The following KAZN variants were observed in gnomAD, a reference collection of about 807,000 sequenced individuals.
KAZN encodes kazrin.
Under a neutral mutation model 87.4 loss-of-function variants are expected in KAZN, and 40 were observed. That is an observed-to-expected ratio of 0.46 (90% CI 0.36 to 0.60). The LOEUF (loss-of-function observed/expected upper bound fraction) is 0.60. Ranked by LOEUF, KAZN falls within the 20% of genes least tolerant of loss-of-function variation. KAZN has a pLI of 0.00. For missense variants in KAZN, 898 were observed against 1,073.9 expected (o/e 0.84, Z 2.29); for synonymous variants, 466 against 458.3 (o/e 1.02, Z -0.22).
chr1:14,871,216 TG>T (rs1406183716), intron 1 of KAZN, among the ~76,000 whole-genome samples: 3 of 152,306 alleles, frequency 2.0e-5, no homozygotes, highest in African/African-American at 7.2e-5. Context: ...CAGGCACAGT[TG>T]TCCTGCAGAC....
At position 14,440,860 on chromosome 1, in the gene KAZN, A is replaced by G. The variant is rs143388603; in HGVS notation, c.250-158123A>G. Among the ~76,000 whole-genome samples the G allele has an allele frequency of 5.9e-3, 906 of 152,328 alleles. 19 individuals carry two copies. Among genetic ancestry groups the G allele is most frequent in the African/African-American group, 0.021 (864 of 41,576 alleles). ...CAGGTGTCCAGGTCTATGACTTAGC[A>G]ATAGAAAAGGCATCACGTTCAACGC... On this transcript the variant is annotated intron_variant, in intron 2 of 16. Transcript: ENST00000636203.
chr1:15,027,434 C>A (rs533423796), intron 2 of KAZN, among the ~76,000 whole-genome samples: 1 of 152,210 alleles, frequency 6.6e-6, no homozygotes, highest in Non-Finnish European at 1.5e-5. Flanking sequence ...GAGACCTCAG[C>A]TGACTCTCTG....
intron 10 of KAZN, among the ~76,000 whole-genome samples, chr1:15,100,954 C>T (rs1485855941): frequency 1.3e-5 from 2 of 152,080 alleles, no homozygotes; most frequent in African/African-American, 4.8e-5. Flanking sequence ...TTGTGGGTCT[C>T]GGGGATGCTG....
At chr1:14,019,564 C>T (rs776479757) in intron 1 of KAZN, among the ~76,000 whole-genome samples, 14 of 152,188 alleles carry the variant, frequency 9.2e-5, no homozygotes, top group Non-Finnish European at 1.9e-4. Context: ...TACAACAGAA[C>T]CTCCACCTGC....
chr1:14,059,582 T>G (rs957635211), intron 1 of KAZN, among the ~76,000 whole-genome samples: 1 of 152,178 alleles, frequency 6.6e-6, no homozygotes, highest in Non-Finnish European at 1.5e-5. Context: ...GACTCAAAAG[T>G]CAATCTCCTC....
intron 2 of KAZN, among the ~76,000 whole-genome samples, chr1:14,354,863 A>G (rs1336705943): frequency 6.6e-6 from 1 of 152,222 alleles, no homozygotes; most frequent in African/African-American, 2.4e-5. Context: ...CCAAAGAGAA[A>G]TGAAAATGTA....
chr1:14,759,817 G>A (rs558223106), intron 1 of KAZN, among the ~76,000 whole-genome samples: 10 of 152,150 alleles, frequency 6.6e-5, no homozygotes, highest in Admixed American at 3.3e-4. Flanking sequence ...AGACAATACC[G>A]TCCAGATCCT....
At chr1:13,912,011 C>T (rs1393493914) in intron 1 of KAZN, among the ~76,000 whole-genome samples, 1 of 152,086 alleles carries the variant, frequency 6.6e-6, no homozygotes, top group Non-Finnish European at 1.5e-5. Context: ...CTCTCTGAAC[C>T]ACGGCTTTTT....
chr1:15,037,501 G>C (rs959866623), intron 3 of KAZN, among the ~76,000 whole-genome samples: 3 of 152,210 alleles, frequency 2.0e-5, no homozygotes, highest in African/African-American at 7.2e-5. Flanking sequence ...GATGAAGATT[G>C]CAACTACTCA....
At chr1:15,110,963 CTGAGT>C (rs1641588489) in intron 13 of KAZN, among the ~76,000 whole-genome samples, 1 of 152,236 alleles carries the variant, frequency 6.6e-6, no homozygotes, top group African/African-American at 2.4e-5. Context: ...AGCCAGCTAC[CTGAGT>C]TTACATTTTT....
intron 2 of KAZN, among the ~76,000 whole-genome samples, chr1:14,247,890 G>T (rs1271536990): frequency 7.2e-5 from 11 of 152,048 alleles, no homozygotes; most frequent in Non-Finnish European, 1.5e-5. Context: ...TGGCTCATGT[G>T]TGTGGGAAGC....
At chr1:14,574,800 A>G (rs1351979344) in intron 2 of KAZN, among the ~76,000 whole-genome samples, 1 of 152,166 alleles carries the variant, frequency 6.6e-6, no homozygotes, top group African/African-American at 2.4e-5. Context: ...AGCCCAGTGG[A>G]GGAAACTGAC....
At chr1:14,022,784 A>G (rs755815791) in intron 1 of KAZN, among the ~76,000 whole-genome samples, 1 of 152,074 alleles carries the variant, frequency 6.6e-6, no homozygotes, top group African/African-American at 2.4e-5. Flanking sequence ...GACAGAGTAC[A>G]GTAATAGAGT....
At chr1:13,999,650 G>C (rs1639692131) in intron 1 of KAZN, among the ~76,000 whole-genome samples, 1 of 152,064 alleles carries the variant, frequency 6.6e-6, no homozygotes, top group Non-Finnish European at 1.5e-5. Flanking sequence ...AAGAGCTAGA[G>C]TGAAAGGAAA....
rs57657728 is a variant in KAZN, at chr1:14,149,104, CTTT to C, written c.92-31316_92-31314del. On this transcript the variant is annotated intron_variant, in intron 1 of 16. Transcript: ENST00000636203. Reference sequence around the variant, plus strand: ...CTTCCTTCCTTCCTTTCTTTCTTTCCTTTTTTTTTTTTTTTTTGACAGAGTCTT... The same window carrying C: ...CTTCCTTCCTTCCTTTCTTTCTTTCCTTTTTTTTTTTTTTGACAGAGTCTT... Among the ~76,000 whole-genome samples, 6 of 69,586 alleles carry C rather than the reference CTTT, an allele frequency of 8.6e-5. 1 individual carries two copies. The highest frequency in any genetic ancestry group is 5.3e-4 in the East Asian group (1 of 1,896). The allele number at this position is 69,586 out of a possible 152,430, so 45.7% of individuals were successfully genotyped here.
In KAZN at chr1:14,232,247, C is replaced by CTG. The variant is rs560796457; in HGVS notation, c.249+51666_249+51667dup. Among the ~76,000 whole-genome samples the CTG allele has an allele frequency of 4.0e-4, 61 of 152,048 alleles. No homozygotes were observed. The East Asian group carries it at 8.9e-3, about 22-fold the overall frequency. ...AACAAAGTTTTAGGTAGTTTTGTGG[C>CTG]TGTGTGTGTGTGCGCATGTATGTGC... On this transcript the variant is annotated intron_variant, in intron 2 of 16. Transcript: ENST00000636203.
intron 1 of KAZN, among the ~76,000 whole-genome samples, chr1:14,155,784 G>C (rs1645580283): frequency 6.6e-6 from 1 of 152,014 alleles, no homozygotes; most frequent in South Asian, 2.1e-4. Context: ...TGAGTATCTG[G>C]GATTACAGAT....
intron 2 of KAZN, among the ~76,000 whole-genome samples, chr1:14,542,243 A>G (rs547775919): frequency 7.1e-6 from 1 of 141,438 alleles, no homozygotes; most frequent in Non-Finnish European, 1.5e-5. Flanking sequence ...GAATTGAACA[A>G]TGAGAACACA....
In KAZN at chr1:14,514,595, T is replaced by TTATA. The variant is rs754845099; in HGVS notation, c.250-84346_250-84343dup. Among the ~76,000 whole-genome samples the TTATA allele has an allele frequency of 2.3e-3, 153 of 66,496 alleles. 1 individual carries two copies. Among genetic ancestry groups the TTATA allele is most frequent in the African/African-American group, 5.9e-3 (81 of 13,796 alleles). 43.6% of individuals were successfully genotyped at this position (66,496 alleles called of 152,430 possible). On this transcript the variant is annotated intron_variant, in intron 2 of 16. Coordinates refer to the KAZN transcript ENST00000636203. The stretch of plus-strand genomic sequence containing the variant: ...TATATTTTATATATTTTTTTATATT[T>TTATA]TATATATATATATATATATATATAT...
Sources: allele counts gnomAD v4.1 joint callset (sites outside exome capture counted in the v4.1 genomes callset), GRCh38; gene constraint gnomAD v4.1.1; transcripts MANE v1.5; gene names NCBI Gene and HGNC (gene_info 2026-07-23, HGNC 2026-07-21).